The following DNAH1 variants were observed in gnomAD, a reference collection of about 807,000 sequenced individuals.
The protein encoded by DNAH1 is dynein axonemal heavy chain 1, also known as axonemal beta dynein heavy chain 1.
A neutral mutation model predicts 484.3 loss-of-function variants in DNAH1; 327 were observed. That is an observed-to-expected ratio of 0.68 (90% CI 0.62 to 0.74). DNAH1 has a LOEUF of 0.74. Among genes scored for constraint, DNAH1 ranks in the 30% least tolerant of loss-of-function variants. The pLI is 0.00. For synonymous variants in DNAH1, 2,192 were observed against 2,191.9 expected (o/e 1.00, Z 0.00); for missense variants, 5,052 against 5,546.8 (o/e 0.91, Z 2.83).
In DNAH1 at chr3:52,395,850, AC is replaced by A. The variant is rs1051846109; in HGVS notation, c.11259+177del. On this transcript the variant is annotated intron_variant, in intron 70 of 77. Transcript: ENST00000420323. This position sits in a 1 kb window ranked among gnomAD's most constrained non-coding sequence, Gnocchi z 4.4. ...TCGACATCATTAATCCTCTCAATCC[AC>A]CCCCACCCCCAGTTACCTGTACAAG... 7.1e-6 allele frequency among the ~76,000 whole-genome samples: 1 copy of A among 139,920 alleles called. No individual in the cohort carries two copies. Among genetic ancestry groups the A allele is most frequent in the Non-Finnish European group, 1.5e-5 (1 of 64,842 alleles). The allele number at this position is 139,920 out of a possible 152,430, so 91.8% of individuals were successfully genotyped here.
At chr3:52,363,647 G>A (rs2153224444) in intron 32 of DNAH1, among the ~76,000 whole-genome samples, 1 of 152,266 alleles carries the variant, frequency 6.6e-6, no homozygotes, top group Non-Finnish European at 1.5e-5. Context: ...TCCCAAACAG[G>A]CCCCCACTTT....
At chr3:52,357,553 C>G in intron 22 of DNAH1, 61 bp from the exon 23 acceptor site, 1 of 1,561,106 alleles carries the variant, frequency 6.4e-7, no homozygotes, top group South Asian at 1.2e-5. Context: ...CTGGGATGAG[C>G]CTATCTTGCT....
At chr3:52,313,433 T>G (rs1401049518), upstream of DNAH1, among the ~76,000 whole-genome samples, 1 of 152,160 alleles carries the variant, frequency 6.6e-6, no homozygotes, top group Non-Finnish European at 1.5e-5. Flanking sequence ...TGTCTCATGG[T>G]CTTTTCCTTG....
chr3:52,347,328 CAGGGA>C (rs1334244031), intron 11 of DNAH1, among the ~76,000 whole-genome samples: 1 of 151,974 alleles, frequency 6.6e-6, no homozygotes, highest in Admixed American at 6.6e-5. Flanking sequence ...TGGCTGGAGT[CAGGGA>C]GGGGAGGGAG....
intron 52 of DNAH1, 57 bp from the exon 53 acceptor site, chr3:52,384,729 G>A (rs1457859156): frequency 6.7e-7 from 1 of 1,492,512 alleles, no homozygotes; most frequent in Non-Finnish European, 8.9e-7. Flanking sequence ...TGGGCACCCA[G>A]TCCCTGTCTT....
intron 1 of DNAH1, among the ~76,000 whole-genome samples, chr3:52,320,328 C>T (rs908920518): frequency 8.5e-5 from 13 of 152,256 alleles, no homozygotes; most frequent in Non-Finnish European, 1.9e-4. Flanking sequence ...GGCAGCTGGC[C>T]ACCAGAGACT....
intron 56 of DNAH1, 67 bp from the exon 57 acceptor site, chr3:52,388,100 C>T: frequency 6.4e-7 from 1 of 1,550,684 alleles, no homozygotes; most frequent in Non-Finnish European, 8.7e-7. Context: ...GGCCCCACAT[C>T]CCAGCAGAGC....
At chr3:52,398,229 G>A in intron 75 of DNAH1, 67 bp downstream of exon 75, 1 of 1,521,418 alleles carries the variant, frequency 6.6e-7, no homozygotes, top group South Asian at 1.3e-5. Context: ...TGACAACAGG[G>A]GTTACTATGG....
Position 52,365,016 on chromosome 3 carries a change from G to A in DNAH1, c.5515G>A (p.Glu1839Lys). ...ACRNSNLKDVEGFLTKCIQLY... is the reference protein window; with the variant it reads ...ACRNSNLKDVKGFLTKCIQLY... Reference sequence around the variant, plus strand: ...CAGGAACAGCAACCTCAAGGATGTGGAGGGTGAGCCTCGGGCCCTGAGTGT... The same window carrying A: ...CAGGAACAGCAACCTCAAGGATGTGAAGGGTGAGCCTCGGGCCCTGAGTGT... The change falls in exon 34 of 78, where the codon GAG becomes AAG. Residue 1839 changes from glutamate (E) to lysine (K), a missense_variant. Around this residue, in one of 4 missense-constraint regions of DNAH1, gnomAD observed 2,929 missense variants for 3,409.4 expected, o/e 0.86. Transcript: ENST00000420323. The A allele has an allele frequency of 1.2e-6, 2 of 1,608,466 alleles. No homozygotes were observed. The highest frequency in any genetic ancestry group is 1.7e-5 in the Admixed American group (1 of 59,888).
At position 52,378,490 on chromosome 3, in the gene DNAH1, G is replaced by A. The variant is rs1469072941; in HGVS notation, c.7199-112G>A. On this transcript the variant is annotated intron_variant, in intron 46 of 77. Transcript: ENST00000420323. ...CGTGGAATCCAAGCCTGAAGGCTGGGGAAGGGGCTTGGTGGGGGGCACAGC... is the reference window on the plus strand; with the variant it reads ...CGTGGAATCCAAGCCTGAAGGCTGGAGAAGGGGCTTGGTGGGGGGCACAGC... The A allele has an allele frequency of 2.5e-6, 3 of 1,184,494 alleles. No homozygotes were observed. The East Asian group carries it at 7.1e-5, about 28-fold the overall frequency. The allele number at this position is 1,184,494 out of a possible 1,614,324, so 73.4% of individuals were successfully genotyped here. A position where few individuals can be genotyped will look rare whatever the true frequency, so the allele number is the denominator to read the frequency against.
At position 52,381,564 on chromosome 3, in the gene DNAH1, C is replaced by T. The variant is rs977009564; in HGVS notation, c.7609-76C>T. The T allele has an allele frequency of 3.8e-5, 51 of 1,357,014 alleles. No individual in the cohort carries two copies. The highest frequency in any genetic ancestry group is 4.5e-5 in the Non-Finnish European group (45 of 1,000,512). 84.1% of individuals were successfully genotyped at this position (1,357,014 alleles called of 1,614,324 possible). On this transcript the variant is annotated intron_variant, in intron 48 of 77. Coordinates refer to ENST00000420323, the MANE Select transcript of DNAH1 (RefSeq NM_015512.5). This position sits in a 1 kb window ranked among gnomAD's most constrained non-coding sequence, Gnocchi z 4.1. ...TTCTCAGTCAGGACAGAGAAGAAAG[C>T]GGGTGGGTGGGGGGAATCGGGGAGA...
At chr3:52,312,067 A>G (rs570417822), upstream of DNAH1, among the ~76,000 whole-genome samples, 1 of 152,294 alleles carries the variant, frequency 6.6e-6, no homozygotes, top group East Asian at 1.9e-4. Flanking sequence ...AGAGCCAGCC[A>G]AGAGGGCTGG....
intron 41 of DNAH1, among the ~76,000 whole-genome samples, chr3:52,371,221 T>C (rs934901835): frequency 1.6e-4 from 24 of 152,246 alleles, no homozygotes; most frequent in Admixed American, 4.6e-4. Context: ...TTCAGTGTCC[T>C]CATCGCTACT....
Position 52,322,678 on chromosome 3 carries a change from A to C in DNAH1, c.236A>C (p.Lys79Thr), listed in dbSNP as rs982625090. ...CTCTCAGACTTGGGGCAGCCACGGA[A>C]GTCACCCCTGACAGGCACTGATAAG... ...PTLSDLGQPR[K>T]SPLTGTDKKY... Residue 79 changes from lysine (K) to threonine (T), a missense_variant, in exon 2 of 78, where the codon AAG (lysine) becomes ACG (threonine). Physicochemically the swap from Lys to Thr is moderately conservative, Grantham distance 78 (BLOSUM62 -1). Coordinates refer to ENST00000420323, the MANE Select transcript of DNAH1 (RefSeq NM_015512.5). 43 of 1,613,886 alleles carry C rather than the reference A, an allele frequency of 2.7e-5. No homozygotes were observed. Among genetic ancestry groups the C allele is most frequent in the Non-Finnish European group, 3.6e-5 (42 of 1,179,846 alleles).
In DNAH1 at chr3:52,328,009, G is replaced by A. The variant is rs1489659168; in HGVS notation, c.866G>A (p.Gly289Glu). 1 of 1,613,454 alleles carries A rather than the reference G, an allele frequency of 6.2e-7. No individual in the cohort carries two copies. The highest frequency in any genetic ancestry group is 1.3e-5 in the African/African-American group (1 of 74,898). The change falls in exon 6 of 78, where the codon GGG (glycine) becomes GAG (glutamate). Residue 289 changes from glycine to glutamate, a missense_variant. Physicochemically the swap from Gly to Glu is moderately conservative, Grantham distance 98. Transcript: ENST00000420323. ...CTCTTGCCCACTGATGACTTCCTGG[G>A]GCATGGTGAGCAAGGCCACTCTGGA... ...KALLPTDDFL[G>E]HEDPKSQKLK...
Position 52,386,646 on chromosome 3 carries a change from G to A in DNAH1, c.8812-16G>A, listed in dbSNP as rs1179568599. 48 of 1,548,232 alleles carry A rather than the reference G, an allele frequency of 3.1e-5. No individual in the cohort carries two copies. The highest frequency in any genetic ancestry group is 3.9e-5 in the Non-Finnish European group (45 of 1,145,934). On this transcript the variant is annotated splice_polypyrimidine_tract_variant and intron_variant, in intron 55 of 77. Coordinates refer to ENST00000420323, the MANE Select transcript of DNAH1 (RefSeq NM_015512.5). ...ACTGGGTCTGAGTCTTCCCCACTTG[G>A]TGGCTGGGCCTGCAGGTACGTGCCA...
intron 41 of DNAH1, 114 bp downstream of exon 41, chr3:52,370,939 C>T: frequency 9.1e-6 from 9 of 984,470 alleles, no homozygotes; most frequent in Non-Finnish European, 1.2e-5. Context: ...CACCAGGTCT[C>T]AGGCAGCGGT....
intron 60 of DNAH1, among the ~76,000 whole-genome samples, 188 bp from the exon 61 acceptor site, chr3:52,390,747 A>T (rs1286593731): frequency 1.3e-5 from 2 of 152,152 alleles, no homozygotes; most frequent in African/African-American, 2.4e-5. Flanking sequence ...CCAGCCCAGG[A>T]GCGAGGGAGA....
intron 22 of DNAH1, 123 bp from the exon 23 acceptor site, chr3:52,357,491 C>T: frequency 1.5e-6 from 2 of 1,302,718 alleles, no homozygotes; most frequent in Non-Finnish European, 2.1e-6. Flanking sequence ...GAGAATTTTT[C>T]TGCATCTTCT....
Sources: allele counts gnomAD v4.1 joint callset (sites outside exome capture counted in the v4.1 genomes callset), GRCh38; gene constraint gnomAD v4.1.1; regional missense constraint gnomAD v4.1.1; non-coding constraint Gnocchi (gnomAD v3.1); transcripts MANE v1.5; gene names NCBI Gene and HGNC (gene_info 2026-07-23, HGNC 2026-07-21).